Variants in STK32C observed in about 807,000 individuals in gnomAD.
The protein encoded by STK32C is serine/threonine kinase 32C.
In STK32C, 31 loss-of-function variants were observed where a neutral mutation model predicts 56.5. The ratio of observed to expected loss-of-function variants is 0.55; its 90% CI spans 0.41 to 0.74. The LOEUF (loss-of-function observed/expected upper bound fraction) is 0.74. STK32C is among the 30% of genes least tolerant of loss of function. STK32C has a pLI of 0.00. For synonymous variants in STK32C, 309 were observed against 289.4 expected, an observed-to-expected ratio of 1.07 and a Z score of -0.69; for missense variants, 544 against 676.9, an observed-to-expected ratio of 0.80 and a Z score of 2.18.
chr10:132,234,834 G>A (rs1163317236), intron 2 of STK32C, among the ~76,000 whole-genome samples: 1 of 152,248 alleles, frequency 6.6e-6, no homozygotes, highest in Non-Finnish European at 1.5e-5. Context: ...GGGCTAATTT[G>A]TTACAGCAGC....
intron 1 of STK32C, among the ~76,000 whole-genome samples, chr10:132,278,320 C>A (rs767381264): frequency 9.9e-5 from 15 of 150,958 alleles, no homozygotes; most frequent in Admixed American, 3.9e-4. Context: ...CAGTGAATTT[C>A]TCTGTAATCC....
chr10:132,235,416 A>C (rs1293599146), intron 2 of STK32C, among the ~76,000 whole-genome samples: 3 of 131,676 alleles, frequency 2.3e-5, no homozygotes, highest in African/African-American at 8.4e-5. Flanking sequence ...GAATCTCTTG[A>C]ACCTGGGAGG....
At position 132,255,434 on chromosome 10, in the gene STK32C, C is replaced by T. The variant is rs2064080941; in HGVS notation, c.263-9479G>A. 6.6e-6 allele frequency among the ~76,000 whole-genome samples: 1 copy of T among 152,154 alleles called. No homozygotes were observed. The highest frequency in any genetic ancestry group is 1.5e-5 in the Non-Finnish European group (1 of 68,020). On this transcript the variant is annotated intron_variant, in intron 1 of 11. Transcript: ENST00000298630. This position sits in a 1 kb window ranked among gnomAD's most constrained non-coding sequence, Gnocchi z 4.6. The stretch of plus-strand genomic sequence containing the variant: ...CCTCACAGACCCCTCACCCTCTTGC[C>T]ATGGCCTGCGGGAACAAAGACCCAC...
intron 1 of STK32C, among the ~76,000 whole-genome samples, chr10:132,287,966 A>C (rs535702086): frequency 2.6e-5 from 4 of 152,338 alleles, no homozygotes; most frequent in Non-Finnish European, 5.9e-5. Flanking sequence ...ATAAAGCTAC[A>C]GTAATAAATA....
chr10:132,307,932 GC>G lies in STK32C; in HGVS notation c.-100del. 1 of 1,070,068 alleles carries G rather than the reference GC, an allele frequency of 9.3e-7. No homozygotes were observed. The highest frequency in any genetic ancestry group is 1.1e-6 in the Non-Finnish European group (1 of 884,858). 66.3% of individuals were successfully genotyped at this position (1,070,068 alleles called of 1,614,324 possible). A position where few individuals can be genotyped will look rare whatever the true frequency, so the allele number is the denominator to read the frequency against. On this transcript the variant is annotated 5_prime_UTR_variant, in exon 1 of 12. Coordinates refer to ENST00000298630, the MANE Select transcript of STK32C (RefSeq NM_173575.4). This position sits in a 1 kb window ranked among gnomAD's most constrained non-coding sequence, Gnocchi z 4.4. Reference sequence around the variant, plus strand: ...AGCGGGAGCGCTCGGGGCCGGCAGCGCCCGCCGTGCGCTCTTCTGGGCGGTG... The same window carrying G: ...AGCGGGAGCGCTCGGGGCCGGCAGCGCCGCCGTGCGCTCTTCTGGGCGGTG...
At chr10:132,246,101 C>G (rs1227321314) in intron 1 of STK32C, 146 bp from the exon 2 acceptor site, 11 of 780,360 alleles carry the variant, frequency 1.4e-5, no homozygotes, top group African/African-American at 6.8e-5. Flanking sequence ...GCCAAACTCT[C>G]GCTCCTGTGC....
At chr10:132,314,464 T>A (rs896857672) in intron 1 of STK32C, among the ~76,000 whole-genome samples, 3 of 152,106 alleles carry the variant, frequency 2.0e-5, no homozygotes, top group African/African-American at 7.2e-5. Context: ...AAACAACCCA[T>A]GGGACACAAG....
rs996015421 is a variant in STK32C, at chr10:132,237,090, C to T, written c.318+8810G>A. Among the ~76,000 whole-genome samples the T allele has an allele frequency of 5.3e-5, 8 of 152,344 alleles. No individual in the cohort carries two copies. The East Asian group carries it at 1.5e-3, about 29-fold the overall frequency. ...TGGATCCCTTGGTCTCTGGCCACAGCCTCCCGACTGTTGAGACCGGAGCTG... is the reference window on the plus strand; with the variant it reads ...TGGATCCCTTGGTCTCTGGCCACAGTCTCCCGACTGTTGAGACCGGAGCTG... On this transcript the variant is annotated intron_variant, in intron 2 of 11. Coordinates refer to ENST00000298630, the MANE Select transcript of STK32C (RefSeq NM_173575.4).
intron 2 of STK32C, among the ~76,000 whole-genome samples, chr10:132,228,535 C>A (rs1464641854): frequency 6.6e-6 from 1 of 152,228 alleles, no homozygotes; most frequent in East Asian, 1.9e-4. Flanking sequence ...AGACAGGGTC[C>A]AGCCTAACAG....
At chr10:132,234,400 C>T (rs1047756821) in intron 2 of STK32C, among the ~76,000 whole-genome samples, 4 of 152,232 alleles carry the variant, frequency 2.6e-5, no homozygotes, top group African/African-American at 9.6e-5. Context: ...CCCTCTGAAA[C>T]AGCGGGGGTT....
chr10:132,239,491 C>T (rs546908008), intron 2 of STK32C, among the ~76,000 whole-genome samples: 2 of 152,374 alleles, frequency 1.3e-5, no homozygotes, highest in East Asian at 3.9e-4. Context: ...GGGCACCGCA[C>T]ACTCCCTGCC....
chr10:132,259,687 C>T (rs1419416476), intron 1 of STK32C, among the ~76,000 whole-genome samples: 2 of 152,210 alleles, frequency 1.3e-5, no homozygotes, highest in Non-Finnish European at 2.9e-5. Context: ...GTACAGCCTG[C>T]AGAAGTGAGT....
downstream of STK32C, among the ~76,000 whole-genome samples, chr10:132,319,453 TAAAC>T (rs992541474): frequency 3.9e-5 from 6 of 152,290 alleles, no homozygotes; most frequent in Admixed American, 6.5e-5. Context: ...GGTGAACAGA[TAAAC>T]AAATAGTATA....
chr10:132,278,485 G>C (rs1415822407), intron 1 of STK32C, among the ~76,000 whole-genome samples: 2 of 152,140 alleles, frequency 1.3e-5, no homozygotes, highest in Non-Finnish European at 2.9e-5. Flanking sequence ...ATACCGGCCG[G>C]GCGCGGTGGC....
intron 1 of STK32C, among the ~76,000 whole-genome samples, chr10:132,296,958 G>A (rs996006672): frequency 6.6e-6 from 1 of 151,428 alleles, no homozygotes; most frequent in African/African-American, 2.4e-5. Flanking sequence ...GGAAGGAGAG[G>A]CAGCCCAGAG....
chr10:132,328,460 C>G (rs1487553334), intron 1 of STK32C, among the ~76,000 whole-genome samples: 1 of 152,162 alleles, frequency 6.6e-6, no homozygotes, highest in Non-Finnish European at 1.5e-5. Flanking sequence ...GGTTTAGACT[C>G]TTGGAGCCAG....
At chr10:132,257,746 C>G (rs1366759009) in intron 1 of STK32C, among the ~76,000 whole-genome samples, 5 of 151,878 alleles carry the variant, frequency 3.3e-5, no homozygotes, top group Non-Finnish European at 7.4e-5. Context: ...CACCCTCCAC[C>G]AGGCCCCTCT....
chr10:132,226,004 C>A (rs1054116125), intron 4 of STK32C, among the ~76,000 whole-genome samples: 2 of 152,230 alleles, frequency 1.3e-5, no homozygotes, highest in African/African-American at 4.8e-5. Context: ...GGCATCTGGG[C>A]AGCAGCACAC....
intron 1 of STK32C, among the ~76,000 whole-genome samples, chr10:132,295,323 A>G (rs1029884381): frequency 3.3e-5 from 5 of 152,186 alleles, no homozygotes; most frequent in African/African-American, 1.2e-4. Flanking sequence ...TGGGTAAGGA[A>G]ACACACGGGG....
Sources: gnomAD v4.1 joint callset for allele counts (sites outside exome capture counted in the v4.1 genomes callset) on GRCh38, gnomAD v4.1.1 for gene constraint, Gnocchi (gnomAD v3.1) non-coding constraint, MANE v1.5 for transcripts, NCBI Gene and HGNC (gene_info 2026-07-23, HGNC 2026-07-21) for gene names.